TNIP1: variants seen among roughly 807,000 people sequenced by gnomAD.
TNIP1 encodes TNFAIP3-interacting protein 1.
TNIP1 carries 22 observed loss-of-function variants against 86.6 expected under a neutral mutation model. That is an observed-to-expected ratio of 0.25 (90% confidence interval 0.18 to 0.36). TNIP1 has a LOEUF of 0.36. TNIP1 is among the 10% of genes least tolerant of loss of function. The probability of loss-of-function intolerance (pLI) is 1.00; values close to 1 mark genes in which losing one functional copy is unlikely to be tolerated. For synonymous variants in TNIP1, 294 were observed against 313.0 expected (o/e 0.94, Z 0.64); for missense variants, 709 against 820.6 (o/e 0.86, Z 1.66).
intron 3 of TNIP1, among the ~76,000 whole-genome samples, chr5:151,063,217 A>C (rs1761806954): frequency 6.6e-6 from 1 of 152,180 alleles, no homozygotes; most frequent in Non-Finnish European, 1.5e-5. Context: ...ACGACCAGGG[A>C]GCTTCCAACT....
chr5:151,044,841 C>G (rs1758930505), intron 9 of TNIP1, among the ~76,000 whole-genome samples: 1 of 152,252 alleles, frequency 6.6e-6, no homozygotes, highest in East Asian at 1.9e-4. Context: ...AGGGACTCTG[C>G]TGCGTGGCTT....
At position 151,063,756 on chromosome 5, in the gene TNIP1, AT is replaced by A; in HGVS notation, c.137-10del. 1 of 1,610,658 alleles carries A rather than the reference AT, an allele frequency of 6.2e-7. No individual in the cohort carries two copies. Among genetic ancestry groups the A allele is most frequent in the Non-Finnish European group, 8.5e-7 (1 of 1,177,352 alleles). ...CTCTTCCAAAAGCTCCCCTAGAGTTATTGGGGAAGAGGAAGCAAAAGCATTT... is the reference window on the plus strand; with the variant it reads ...CTCTTCCAAAAGCTCCCCTAGAGTTATGGGGAAGAGGAAGCAAAAGCATTT... On this transcript the variant is annotated splice_polypyrimidine_tract_variant and intron_variant, in intron 2 of 17. Coordinates refer to ENST00000521591, the MANE Select transcript of TNIP1 (RefSeq NM_006058.5).
intron 9 of TNIP1, 39 bp downstream of exon 9, chr5:151,045,822 A>G: frequency 6.3e-7 from 1 of 1,594,126 alleles, no homozygotes; most frequent in Non-Finnish European, 8.6e-7. Flanking sequence ...CCCGGGAGGT[A>G]AGAGGGATCC....
At chr5:151,048,236 C>T (rs193002374) in intron 8 of TNIP1, among the ~76,000 whole-genome samples, 2 of 152,268 alleles carry the variant, frequency 1.3e-5, no homozygotes, top group African/African-American at 2.4e-5. Flanking sequence ...CCTGAACCTC[C>T]GCGAGGGAGA....
At chr5:151,061,935 T>C (rs1761621889) in intron 4 of TNIP1, among the ~76,000 whole-genome samples, 192 bp downstream of exon 4, 1 of 152,234 alleles carries the variant, frequency 6.6e-6, no homozygotes, top group Non-Finnish European at 1.5e-5. Flanking sequence ...TGGTAAGTTT[T>C]AACTATGACC....
rs113346780 is a variant in TNIP1, at chr5:151,086,079, G to T, written c.-37+1006C>A. On this transcript the variant is annotated intron_variant, in intron 1 of 17. Transcript: ENST00000315050. ...GATGCCTGGGGAGGGGATGAAGAGG[G>T]CCGTTTGGATGAACTGGCCTTTCTT... is the stretch of plus-strand genomic sequence containing the variant. 4.1e-3 allele frequency among the ~76,000 whole-genome samples: 619 copies of T among 152,222 alleles called. 3 individuals are homozygous for T. Among genetic ancestry groups the T allele is most frequent in the African/African-American group, 0.014 (591 of 41,528 alleles).
intron 13 of TNIP1, among the ~76,000 whole-genome samples, chr5:151,036,016 G>C (rs560448559): frequency 2.3e-3 from 358 of 152,358 alleles, no homozygotes; most frequent in Middle Eastern, 3.4e-3. Context: ...CAGGGGCAGT[G>C]ATCACAGAAC....
chr5:151,032,028 G>C, intron 17 of TNIP1: 1 of 490,846 alleles, frequency 2.0e-6, no homozygotes, highest in Non-Finnish European at 3.6e-6. Context: ...TAAGGGCAAG[G>C]ACTGTATCTG....
intron 1 of TNIP1, among the ~76,000 whole-genome samples, chr5:151,077,881 C>G (rs1039958423): frequency 1.2e-4 from 19 of 152,216 alleles, no homozygotes; most frequent in African/African-American, 4.1e-4. Context: ...CCCAGGCCAA[C>G]TGGTCAATTC....
rs180887986 is a variant in TNIP1, at chr5:151,071,032, G to C, written c.-36-5901C>G. 2.1e-5 allele frequency among the ~76,000 whole-genome samples: 3 copies of C among 145,504 alleles called. No individual in the cohort carries two copies. In the East Asian group the frequency reaches 5.8e-4, roughly 28 times the overall value. ...GGGGGAAGCTATGCCTGTTAGGGGT[G>C]GGGGGGGCGCAGTATATGTAAAATC... On this transcript the variant is annotated intron_variant, in intron 1 of 17. Transcript: ENST00000521591.
At chr5:151,034,981 A>G (rs1489002066) in intron 15 of TNIP1, 21 bp downstream of exon 15, 1 of 1,613,546 alleles carries the variant, frequency 6.2e-7, no homozygotes, top group Non-Finnish European at 8.5e-7. Context: ...CAGTGCTGCT[A>G]CCTCCCTCAA....
chr5:151,072,517 G>C (rs1389806801), intron 1 of TNIP1, among the ~76,000 whole-genome samples: 1 of 152,180 alleles, frequency 6.6e-6, no homozygotes, highest in Non-Finnish European at 1.5e-5. Context: ...CTACAGTTAG[G>C]CTGCTCCCAG....
chr5:151,060,282 A>G, intron 5 of TNIP1, 36 bp downstream of exon 5: 2 of 1,610,054 alleles, frequency 1.2e-6, no homozygotes, highest in Admixed American at 1.7e-5. Context: ...CAAAGAGGGC[A>G]GCAGGTCAAG....
chr5:151,041,654 A>G (rs1758429530), intron 11 of TNIP1, among the ~76,000 whole-genome samples: 2 of 152,224 alleles, frequency 1.3e-5, no homozygotes, highest in African/African-American at 2.4e-5. Flanking sequence ...GGCACAAGCC[A>G]CCCAACCCGG....
upstream of TNIP1, among the ~76,000 whole-genome samples, chr5:151,084,499 G>A (rs1289325530): frequency 6.6e-6 from 1 of 152,056 alleles, no homozygotes; most frequent in Non-Finnish European, 1.5e-5. Flanking sequence ...TCATTGTAGG[G>A]CTGGAGCCAC....
At chr5:151,086,272 G>T (rs1247450066) in intron 1 of TNIP1, among the ~76,000 whole-genome samples, 1 of 152,192 alleles carries the variant, frequency 6.6e-6, no homozygotes, top group Admixed American at 6.5e-5. Flanking sequence ...AAATTAAATA[G>T]AATTTTAGTC....
In TNIP1 at chr5:151,050,609, G is replaced by A. The variant is rs138931031; in HGVS notation, c.723-662C>T. ...TAGAGGAGATCATAAAATTAGTGAT[G>A]TGGATTCAGGTCTGACTAAAATGTT... is the stretch of plus-strand genomic sequence containing the variant. On this transcript the variant is annotated intron_variant, in intron 7 of 17. Transcript: ENST00000521591. 5.5e-3 allele frequency among the ~76,000 whole-genome samples: 836 copies of A among 152,250 alleles called. 8 individuals are homozygous for A. Among genetic ancestry groups the A allele is most frequent in the African/African-American group, 0.019 (787 of 41,570 alleles).
intron 1 of TNIP1, among the ~76,000 whole-genome samples, chr5:151,067,401 G>A (rs1762362174): frequency 6.6e-6 from 1 of 152,242 alleles, no homozygotes; most frequent in African/African-American, 2.4e-5. Flanking sequence ...TGAGGCAGGA[G>A]CGTACTTTGC....
chr5:151,052,282 G>A (rs539019604), intron 6 of TNIP1, 23 bp from the exon 7 acceptor site: 8 of 1,605,190 alleles, frequency 5.0e-6, no homozygotes, highest in African/African-American at 1.3e-5. Flanking sequence ...GGAACAGACA[G>A]GGTGAGGGAA....
Sources: gnomAD v4.1 joint callset for allele counts (sites outside exome capture counted in the v4.1 genomes callset) on GRCh38, gnomAD v4.1.1 for gene constraint, MANE v1.5 for transcripts, NCBI Gene and HGNC (gene_info 2026-07-23, HGNC 2026-07-21) for gene names.